The following FHIT variants were observed in gnomAD, a reference collection of about 807,000 sequenced individuals.
FHIT encodes fragile histidine triad diadenosine triphosphatase, also known as bis(5'-adenosyl)-triphosphatase.
A neutral mutation model predicts 17.9 loss-of-function variants in FHIT; 19 were observed. The ratio of observed to expected loss-of-function variants is 1.06; its 90% CI spans 0.74 to 1.56. The LOEUF is 1.56. Ranked by LOEUF, FHIT falls within the 40% of genes most tolerant of loss-of-function variation. FHIT has a pLI of 0.00. For missense variants in FHIT, 248 were observed against 189.2 expected, an observed-to-expected ratio of 1.31 and a Z score of -1.82; for synonymous variants, 81 against 69.7, an observed-to-expected ratio of 1.16 and a Z score of -0.81.
intron 5 of FHIT, among the ~76,000 whole-genome samples, chr3:60,406,739 A>G (rs1466558306): frequency 6.6e-6 from 1 of 152,146 alleles, no homozygotes; most frequent in Non-Finnish European, 1.5e-5. Context: ...CAGCCCAACC[A>G]TTCCATGAAT....
At chr3:59,764,919 C>G (rs952983692) in intron 8 of FHIT, among the ~76,000 whole-genome samples, 2 of 106,918 alleles carry the variant, frequency 1.9e-5, no homozygotes, top group Admixed American at 9.6e-5. Flanking sequence ...CACACACACA[C>G]AGCTTTGGCA....
intron 3 of FHIT, among the ~76,000 whole-genome samples, chr3:60,843,759 AATGAAAGACACGAGCACACC>A (rs1444251523): frequency 6.6e-6 from 1 of 152,204 alleles, no homozygotes; most frequent in Non-Finnish European, 1.5e-5. Flanking sequence ...TCTCTGTGTT[AATGAAAGACACGAGCACACC>A]ATGATAAGCA....
At chr3:61,181,909 T>G (rs891967374) in intron 2 of FHIT, among the ~76,000 whole-genome samples, 1 of 152,184 alleles carries the variant, frequency 6.6e-6, no homozygotes, top group African/African-American at 2.4e-5. Context: ...AAGTGTATGG[T>G]TAGATGACTG....
rs546588564 is a variant in FHIT, at chr3:60,028,655, C to T, written c.104-14503G>A. Among the ~76,000 whole-genome samples, 17 of 152,198 alleles carry T rather than the reference C, an allele frequency of 1.1e-4. No homozygotes were observed. The South Asian group carries it at 3.3e-3, about 30-fold the overall frequency. ...AAACAAAAAACCAAATGTGACAACC[C>T]CAGAAGTGCACTTTGAATCAAATGT... On this transcript the variant is annotated intron_variant, in intron 5 of 9. Coordinates refer to ENST00000492590, the MANE Select transcript of FHIT (RefSeq NM_002012.4).
At chr3:60,350,096 G>T (rs1711010750) in intron 5 of FHIT, among the ~76,000 whole-genome samples, 1 of 152,122 alleles carries the variant, frequency 6.6e-6, no homozygotes, top group South Asian at 2.1e-4. Context: ...AAAATTAACA[G>T]ATTATTACAG....
chr3:59,786,105 A>G (rs867299620), intron 8 of FHIT, among the ~76,000 whole-genome samples: 5 of 152,296 alleles, frequency 3.3e-5, no homozygotes, highest in South Asian at 2.1e-4. Context: ...GTAAGGAGGG[A>G]AACTTATCAT....
chr3:60,839,487 T>A (rs1245067086), intron 3 of FHIT, among the ~76,000 whole-genome samples: 1 of 152,210 alleles, frequency 6.6e-6, no homozygotes. Flanking sequence ...TCCTGTTGCT[T>A]CTGATTCCCT....
chr3:60,998,403 G>C (rs1301909946), intron 3 of FHIT, among the ~76,000 whole-genome samples: 2 of 152,128 alleles, frequency 1.3e-5, no homozygotes, highest in Non-Finnish European at 2.9e-5. Context: ...AAGCTTTTGA[G>C]GACGCACTTT....
intron 4 of FHIT, among the ~76,000 whole-genome samples, chr3:60,609,329 A>G (rs1272881866): frequency 7.7e-6 from 1 of 129,866 alleles, no homozygotes; most frequent in African/African-American, 3.0e-5. Context: ...TTCCTTTTTT[A>G]TTTATTTTTT....
intron 5 of FHIT, among the ~76,000 whole-genome samples, chr3:60,252,754 G>T (rs920983264): frequency 1.3e-5 from 2 of 152,008 alleles, no homozygotes; most frequent in Non-Finnish European, 2.9e-5. Context: ...ACTTTGGGAG[G>T]CCGAGGCCGG....
chr3:60,813,990 G>C (rs1217685429), intron 4 of FHIT, among the ~76,000 whole-genome samples: 1 of 151,738 alleles, frequency 6.6e-6, no homozygotes, highest in Admixed American at 6.6e-5. Context: ...TTATTTAAAG[G>C]CTATCTCTTA....
intron 3 of FHIT, among the ~76,000 whole-genome samples, chr3:60,841,260 G>A (rs572164948): frequency 6.6e-6 from 1 of 152,284 alleles, no homozygotes; most frequent in African/African-American, 2.4e-5. Flanking sequence ...ATAAATTCCT[G>A]TTGAAAAGTA....
chr3:61,190,687 C>T lies in FHIT; in HGVS notation c.-164+9930G>A, dbSNP rs1008529706. On this transcript the variant is annotated intron_variant, in intron 2 of 9. Transcript: ENST00000492590. ...CAAAGACTTGGAACCGACCCAAATGCCCAACAATGATTGACTGGATTAAGA... is the reference window on the plus strand; with the variant it reads ...CAAAGACTTGGAACCGACCCAAATGTCCAACAATGATTGACTGGATTAAGA... 5.9e-5 allele frequency among the ~76,000 whole-genome samples: 9 copies of T among 152,162 alleles called. No individual in the cohort carries two copies. The East Asian group carries it at 1.2e-3, about 20-fold the overall frequency.
At chr3:60,968,560 C>T (rs1013626555) in intron 3 of FHIT, among the ~76,000 whole-genome samples, 1 of 151,920 alleles carries the variant, frequency 6.6e-6, no homozygotes, top group Non-Finnish European at 1.5e-5. Flanking sequence ...CTACAGGCAC[C>T]TGCCACCACA....
chr3:59,908,850 T>TTTTTTTTTTTTTTTG (rs1553712872), intron 8 of FHIT, among the ~76,000 whole-genome samples: 2 of 150,092 alleles, frequency 1.3e-5, no homozygotes, highest in Admixed American at 6.7e-5. Flanking sequence ...TTTCATTTTT[T>TTTTTTTTTTTTTTTG]AATAGTCCAA....
At chr3:59,953,632 T>A (rs956304987) in intron 7 of FHIT, among the ~76,000 whole-genome samples, 1 of 152,110 alleles carries the variant, frequency 6.6e-6, no homozygotes, top group Non-Finnish European at 1.5e-5. Context: ...CTGCCATAGA[T>A]AAATTAAGTA....
chr3:60,758,802 G>C (rs1699536912), intron 4 of FHIT, among the ~76,000 whole-genome samples: 1 of 152,154 alleles, frequency 6.6e-6, no homozygotes, highest in African/African-American at 2.4e-5. Flanking sequence ...TTACATTCTG[G>C]GGGAGAATCA....
chr3:60,173,954 G>A (rs1413027624), intron 5 of FHIT, among the ~76,000 whole-genome samples: 2 of 105,300 alleles, frequency 1.9e-5, no homozygotes, highest in African/African-American at 3.5e-5. Context: ...TCACTCTGTC[G>A]CTAGGCTGGA....
intron 5 of FHIT, among the ~76,000 whole-genome samples, chr3:60,501,778 C>T (rs542332187): frequency 8.5e-5 from 13 of 152,314 alleles, no homozygotes; most frequent in African/African-American, 2.6e-4. Flanking sequence ...CTACTTTCCT[C>T]TATTGGAAAT....
Sources: gnomAD v4.1 joint callset for allele counts (sites outside exome capture counted in the v4.1 genomes callset) on GRCh38, gnomAD v4.1.1 for gene constraint, MANE v1.5 for transcripts, NCBI Gene and HGNC (gene_info 2026-07-23, HGNC 2026-07-21) for gene names.